Variants in MGAT4C observed in about 807,000 individuals in gnomAD.
The protein encoded by MGAT4C is alpha-1,3-mannosyl-glycoprotein 4-beta-N-acetylglucosaminyltransferase C.
MGAT4C carries 19 observed loss-of-function variants against 40.1 expected under a neutral mutation model. The observed-to-expected ratio is 0.47, with a 90% CI of 0.33 to 0.70. The LOEUF (loss-of-function observed/expected upper bound fraction) is 0.70, where lower values mean the gene tolerates loss of function less well. Ranked by LOEUF, MGAT4C falls within the 30% of genes least tolerant of loss-of-function variation. The pLI is 0.02. For synonymous variants in MGAT4C, 181 were observed against 187.1 expected (o/e 0.97, Z 0.27); for missense variants, 491 against 563.2 (o/e 0.87, Z 1.30).
At chr12:86,134,534 T>C (rs1025490859) in intron 1 of MGAT4C, among the ~76,000 whole-genome samples, 2 of 152,156 alleles carry the variant, frequency 1.3e-5, no homozygotes, top group Admixed American at 6.5e-5. Flanking sequence ...TTCTTGTGCC[T>C]GATAGCAGCA....
At chr12:86,453,982 A>G (rs1379660606) in intron 2 of MGAT4C, among the ~76,000 whole-genome samples, 1 of 152,136 alleles carries the variant, frequency 6.6e-6, no homozygotes, top group Non-Finnish European at 1.5e-5. Context: ...ACGAGCCACA[A>G]AAAGAAGCTG....
At chr12:86,385,865 G>C (rs558303117) in intron 3 of MGAT4C, among the ~76,000 whole-genome samples, 1 of 152,130 alleles carries the variant, frequency 6.6e-6, no homozygotes, top group South Asian at 2.1e-4. Flanking sequence ...TGTCTTCTGT[G>C]CTCCCTCTCA....
At chr12:86,477,591 TTATA>T (rs200109458) in intron 2 of MGAT4C, among the ~76,000 whole-genome samples, 1 of 151,900 alleles carries the variant, frequency 6.6e-6, no homozygotes, top group Non-Finnish European at 1.5e-5. Context: ...CTTTTTCTCT[TTATA>T]TATATATATT....
intron 4 of MGAT4C, among the ~76,000 whole-genome samples, chr12:86,294,130 TAA>T: frequency 6.7e-6 from 1 of 149,438 alleles, no homozygotes; most frequent in South Asian, 2.1e-4. Flanking sequence ...AAAACAATAT[TAA>T]AAAAAAAACC....
chr12:86,564,965 C>T (rs111579026), intron 2 of MGAT4C, among the ~76,000 whole-genome samples: 12,068 of 152,112 alleles, frequency 0.079, 728 homozygotes, highest in African/African-American at 0.16. Context: ...TTGGCAGGCC[C>T]CCATAGGTGA....
At chr12:86,050,704 G>A (rs1162328274) in intron 1 of MGAT4C, among the ~76,000 whole-genome samples, 1 of 151,862 alleles carries the variant, frequency 6.6e-6, no homozygotes, top group Non-Finnish European at 1.5e-5. Flanking sequence ...CAGCTTCTGT[G>A]GTCAACAACA....
chr12:86,681,303 A>G (rs1199324851), intron 2 of MGAT4C, among the ~76,000 whole-genome samples: 3 of 151,940 alleles, frequency 2.0e-5, no homozygotes, highest in Non-Finnish European at 2.9e-5. Flanking sequence ...AAATTATAAA[A>G]CTTTATTTAA....
chr12:86,723,122 A>G (rs1323904379), intron 2 of MGAT4C, among the ~76,000 whole-genome samples: 1 of 152,214 alleles, frequency 6.6e-6, no homozygotes, highest in Non-Finnish European at 1.5e-5. Flanking sequence ...ATTGACTAAC[A>G]ACATTGTCTC....
intron 3 of MGAT4C, among the ~76,000 whole-genome samples, chr12:86,393,837 T>G (rs1956199934): frequency 6.6e-6 from 1 of 152,184 alleles, no homozygotes; most frequent in South Asian, 2.1e-4. Context: ...GAAATCGGCA[T>G]CATCCAAAAT....
chr12:86,588,019 C>A (rs1047416567), intron 2 of MGAT4C, among the ~76,000 whole-genome samples: 2 of 151,980 alleles, frequency 1.3e-5, no homozygotes, highest in Admixed American at 6.6e-5. Context: ...GCATCCCTGT[C>A]TTGTGCCAGT....
chr12:86,473,063 C>T (rs146906144), intron 2 of MGAT4C, among the ~76,000 whole-genome samples: 1 of 152,208 alleles, frequency 6.6e-6, no homozygotes, highest in Admixed American at 6.5e-5. Flanking sequence ...TGAAGCAATT[C>T]TCCTGCCTCA....
chr12:86,583,063 A>G (rs1315909015), intron 2 of MGAT4C, among the ~76,000 whole-genome samples: 1 of 151,346 alleles, frequency 6.6e-6, no homozygotes, highest in East Asian at 1.9e-4. Context: ...TCCGGCTTAC[A>G]CAAACTATTT....
intron 2 of MGAT4C, among the ~76,000 whole-genome samples, chr12:86,603,815 A>G (rs1163684322): frequency 7.1e-6 from 1 of 140,354 alleles, no homozygotes; most frequent in African/African-American, 2.6e-5. Flanking sequence ...TATAGTATAT[A>G]ATAATAGTAA....
chr12:86,152,893 C>T (rs964447877), intron 1 of MGAT4C, among the ~76,000 whole-genome samples: 11 of 152,156 alleles, frequency 7.2e-5, no homozygotes, highest in African/African-American at 2.7e-4. Flanking sequence ...AAAGTATCCT[C>T]TCTTGCGTTT....
At chr12:86,782,710 G>A (rs57558511) in intron 1 of MGAT4C, among the ~76,000 whole-genome samples, 1 of 152,114 alleles carries the variant, frequency 6.6e-6, no homozygotes, top group Non-Finnish European at 1.5e-5. Flanking sequence ...GAGATCATAA[G>A]AATGGGAACT....
At chr12:86,355,649 A>G (rs1190657948) in intron 3 of MGAT4C, among the ~76,000 whole-genome samples, 1 of 152,174 alleles carries the variant, frequency 6.6e-6, no homozygotes, top group East Asian at 1.9e-4. Context: ...AGACAGATAC[A>G]CATAATGAAA....
chr12:86,634,158 G>A (rs181233613), intron 2 of MGAT4C, among the ~76,000 whole-genome samples: 26 of 152,182 alleles, frequency 1.7e-4, no homozygotes, highest in African/African-American at 5.5e-4. Context: ...CAGATTAGTA[G>A]ACTAAAAGCA....
At chr12:86,225,204 T>C (rs1951029708) in intron 1 of MGAT4C, among the ~76,000 whole-genome samples, 1 of 151,794 alleles carries the variant, frequency 6.6e-6, no homozygotes, top group African/African-American at 2.4e-5. Context: ...AGAAAATGGG[T>C]AAATTATTAA....
chr12:86,099,947 C>T (rs1217625529), intron 1 of MGAT4C, among the ~76,000 whole-genome samples: 3 of 151,200 alleles, frequency 2.0e-5, no homozygotes, highest in East Asian at 3.9e-4. Context: ...TATCATTTAC[C>T]ATTTTCTCAT....
Sources: gnomAD v4.1 joint callset for allele counts (sites outside exome capture counted in the v4.1 genomes callset) on GRCh38, gnomAD v4.1.1 for gene constraint, MANE v1.5 for transcripts, NCBI Gene and HGNC (gene_info 2026-07-23, HGNC 2026-07-21) for gene names.